PEBP4: variants seen among roughly 807,000 people sequenced by gnomAD.
PEBP4 encodes phosphatidylethanolamine-binding protein 4.
A neutral mutation model predicts 23.9 loss-of-function variants in PEBP4; 22 were observed. The ratio of observed to expected loss-of-function variants is 0.92; its 90% CI spans 0.66 to 1.31. PEBP4 has a LOEUF of 1.31. Among genes scored for constraint, PEBP4 ranks in the 40% most tolerant of loss-of-function variants. PEBP4 has a pLI of 0.00. For synonymous variants in PEBP4, 112 were observed against 99.3 expected (o/e 1.13, Z -0.76); for missense variants, 324 against 281.7 (o/e 1.15, Z -1.07).
intron 3 of PEBP4, among the ~76,000 whole-genome samples, chr8:22,870,056 T>C (rs181191302): frequency 6.6e-6 from 1 of 152,318 alleles, no homozygotes; most frequent in African/African-American, 2.4e-5. Context: ...TGCTCCTTGA[T>C]ATTTACCTAA....
intron 3 of PEBP4, among the ~76,000 whole-genome samples, chr8:22,848,354 G>A (rs554933903): frequency 1.3e-4 from 20 of 152,246 alleles, no homozygotes; most frequent in Admixed American, 5.9e-4. Context: ...TCTGCCTGCC[G>A]AGAGTGGAGT....
At chr8:22,801,307 G>A (rs1002176604) in intron 4 of PEBP4, among the ~76,000 whole-genome samples, 5 of 152,102 alleles carry the variant, frequency 3.3e-5, no homozygotes, top group African/African-American at 1.2e-4. Flanking sequence ...TTTATAGACT[G>A]GGGCTCACAG....
At chr8:22,856,520 G>C (rs184616765) in intron 3 of PEBP4, among the ~76,000 whole-genome samples, 2 of 152,194 alleles carry the variant, frequency 1.3e-5, no homozygotes, top group Admixed American at 6.5e-5. Context: ...AGCTCGAGAC[G>C]GGCCAGGCCA....
intron 3 of PEBP4, among the ~76,000 whole-genome samples, chr8:22,907,230 G>A (rs1585336776): frequency 6.6e-6 from 1 of 152,182 alleles, no homozygotes; most frequent in Non-Finnish European, 1.5e-5. Context: ...AGGCCAAGGC[G>A]AGCAGATCAC....
chr8:22,806,263 G>A (rs1424372662), intron 4 of PEBP4, among the ~76,000 whole-genome samples: 1 of 152,078 alleles, frequency 6.6e-6, no homozygotes, highest in East Asian at 1.9e-4. Flanking sequence ...GTTACCCATC[G>A]TATTAGCTAT....
intron 3 of PEBP4, among the ~76,000 whole-genome samples, chr8:22,856,368 T>G (rs1210792560): frequency 6.6e-6 from 1 of 152,194 alleles, no homozygotes; most frequent in Non-Finnish European, 1.5e-5. Flanking sequence ...GTTGACAGTA[T>G]GATAATAGAA....
chr8:22,878,793 A>G (rs1036404630), intron 3 of PEBP4, among the ~76,000 whole-genome samples: 3 of 152,202 alleles, frequency 2.0e-5, no homozygotes, highest in Non-Finnish European at 4.4e-5. Flanking sequence ...TGCCAAGGGG[A>G]AAATAGCCCT....
intron 4 of PEBP4, among the ~76,000 whole-genome samples, chr8:22,734,393 T>C (rs956357728): frequency 6.6e-6 from 1 of 152,236 alleles, no homozygotes; most frequent in African/African-American, 2.4e-5. Flanking sequence ...GGCGCAGATC[T>C]GAGCCCTCCT....
At chr8:22,893,673 G>T (rs1312687652) in intron 3 of PEBP4, among the ~76,000 whole-genome samples, 1 of 152,108 alleles carries the variant, frequency 6.6e-6, no homozygotes, top group Non-Finnish European at 1.5e-5. Context: ...CACTGGATGA[G>T]ATTTAACAGA....
At chr8:22,928,194 C>G (rs1809393699), upstream of PEBP4, among the ~76,000 whole-genome samples, 1 of 152,248 alleles carries the variant, frequency 6.6e-6, no homozygotes, top group Admixed American at 6.5e-5. Flanking sequence ...CTGTGCCCCT[C>G]AGACCGGCTC....
intron 4 of PEBP4, among the ~76,000 whole-genome samples, chr8:22,793,714 C>T (rs775197912): frequency 6.6e-6 from 1 of 152,086 alleles, no homozygotes; most frequent in Non-Finnish European, 1.5e-5. Context: ...TTGCTCACAT[C>T]CATAATAATT....
intron 3 of PEBP4, among the ~76,000 whole-genome samples, chr8:22,866,458 A>G (rs1241119441): frequency 6.6e-6 from 1 of 152,238 alleles, no homozygotes; most frequent in East Asian, 1.9e-4. Flanking sequence ...ACAGATTAAA[A>G]TATGCTGTAA....
intron 3 of PEBP4, among the ~76,000 whole-genome samples, chr8:22,876,498 G>T (rs1291101481): frequency 1.3e-5 from 2 of 152,144 alleles, no homozygotes; most frequent in Non-Finnish European, 2.9e-5. Flanking sequence ...GAGAGGGTTG[G>T]CAGGACAATA....
At chr8:22,746,371 C>T (rs1805117852) in intron 4 of PEBP4, among the ~76,000 whole-genome samples, 1 of 152,118 alleles carries the variant, frequency 6.6e-6, no homozygotes, top group Admixed American at 6.5e-5. Flanking sequence ...CTCTTTGGCC[C>T]CTGGCTGGTT....
chr8:22,863,664 G>C (rs1006624675), intron 3 of PEBP4, among the ~76,000 whole-genome samples: 2 of 152,194 alleles, frequency 1.3e-5, no homozygotes, highest in Admixed American at 1.3e-4. Flanking sequence ...CATAAGCTCA[G>C]ACAGGCGCTG....
chr8:22,725,730 G>A (rs771740574), intron 5 of PEBP4, among the ~76,000 whole-genome samples: 2 of 152,102 alleles, frequency 1.3e-5, no homozygotes, highest in Non-Finnish European at 2.9e-5. Context: ...CCAAGGAGGA[G>A]AGCCAGGCTG....
chr8:22,748,605 A>C (rs2313168), intron 4 of PEBP4, among the ~76,000 whole-genome samples: 1 of 150,548 alleles, frequency 6.6e-6, no homozygotes, highest in African/African-American at 2.5e-5. Context: ...GGGTGGTCTG[A>C]GGGGAGAACA....
At chr8:22,927,107 C>G (rs1377854891) in intron 2 of PEBP4, among the ~76,000 whole-genome samples, 1 of 152,214 alleles carries the variant, frequency 6.6e-6, no homozygotes, top group African/African-American at 2.4e-5. Context: ...GCCATGATCC[C>G]TAAAGGGCCC....
intron 4 of PEBP4, among the ~76,000 whole-genome samples, chr8:22,738,132 G>A (rs1804909957): frequency 6.6e-6 from 1 of 152,228 alleles, no homozygotes; most frequent in Non-Finnish European, 1.5e-5. Context: ...CTCAGCCAGG[G>A]TGCGCAGAGC....
Sources: allele counts gnomAD v4.1 joint callset (sites outside exome capture counted in the v4.1 genomes callset), GRCh38; gene constraint gnomAD v4.1.1; transcripts MANE v1.5; gene names NCBI Gene and HGNC (gene_info 2026-07-23, HGNC 2026-07-21).